The following PTPRS variants were observed in gnomAD, a reference collection of about 807,000 sequenced individuals.
PTPRS encodes protein tyrosine phosphatase receptor type S.
Under a neutral mutation model 215.3 loss-of-function variants are expected in PTPRS, and 63 were observed. The observed-to-expected ratio is 0.29, with a 90% CI of 0.24 to 0.36. The LOEUF (loss-of-function observed/expected upper bound fraction) is 0.36. Ranked by LOEUF, PTPRS falls within the 10% of genes least tolerant of loss-of-function variation. PTPRS has a pLI of 1.00. For missense variants in PTPRS, 2,258 were observed against 2,825.8 expected (o/e 0.80, Z 4.56); for synonymous variants, 1,404 against 1,191.4 (o/e 1.18, Z -3.68).
rs750373156 is a variant in PTPRS, at chr19:5,219,393, C to G, written c.3840G>C (p.Glu1280Asp). The G allele has an allele frequency of 3.1e-6, 5 of 1,613,766 alleles. No homozygotes were observed. Among genetic ancestry groups the G allele is most frequent in the Admixed American group, 1.7e-5 (1 of 59,988 alleles). ...NPDPQPIVDG[E>D]EGLIWVIGPV... ...GCCCGATCACCCAGATAAGCCCCTC[C>G]TCGCCATCCACGATGGGCTGGGGGT... Residue 1280 changes from glutamate to aspartate, a missense_variant, in exon 23 of 38, where the codon GAG becomes GAC. By Grantham distance (45) the Glu-to-Asp change is conservative (BLOSUM62 2). This residue lies in a region of PTPRS where 927 missense variants were observed against 1,125.9 expected (regional missense o/e 0.82). Coordinates refer to ENST00000262963, the MANE Select transcript of PTPRS (RefSeq NM_002850.4).
At chr19:5,305,205 C>G (rs1236633779) in intron 1 of PTPRS, among the ~76,000 whole-genome samples, 1 of 152,186 alleles carries the variant, frequency 6.6e-6, no homozygotes, top group Non-Finnish European at 1.5e-5. Context: ...AGCTATTATT[C>G]CAGGCTTTTC....
intron 23 of PTPRS, 65 bp downstream of exon 23, chr19:5,219,242 ACTC>A: frequency 2.5e-6 from 4 of 1,581,230 alleles, no homozygotes; most frequent in East Asian, 2.2e-5. Context: ...CTCTGAGACA[ACTC>A]CTCCCTCCTT....
At chr19:5,249,674 C>T (rs553716984) in intron 9 of PTPRS, among the ~76,000 whole-genome samples, 1 of 152,350 alleles carries the variant, frequency 6.6e-6, no homozygotes, top group Non-Finnish European at 1.5e-5. Flanking sequence ...GAAAAAAGTA[C>T]CCATCACCTA....
intron 26 of PTPRS, among the ~76,000 whole-genome samples, chr19:5,215,934 G>A (rs2041399950): frequency 6.6e-6 from 1 of 152,158 alleles, no homozygotes; most frequent in Non-Finnish European, 1.5e-5. Context: ...CCCAGAGGAT[G>A]TCAAGCTCCC....
At chr19:5,284,022 C>G (rs1020724045) in intron 2 of PTPRS, among the ~76,000 whole-genome samples, 1 of 151,494 alleles carries the variant, frequency 6.6e-6, no homozygotes, top group Non-Finnish European at 1.5e-5. Flanking sequence ...TGAGACCAGT[C>G]CGGGCAACAC....
chr19:5,274,460 C>A, intron 2 of PTPRS, 116 bp from the exon 3 acceptor site: 4 of 1,223,054 alleles, frequency 3.3e-6, no homozygotes, highest in African/African-American at 3.0e-5. Context: ...GCCATGTGGC[C>A]AATGAAGAGA....
At chr19:5,296,218 T>G (rs1388605159) in intron 1 of PTPRS, among the ~76,000 whole-genome samples, 4 of 151,946 alleles carry the variant, frequency 2.6e-5, no homozygotes, top group Non-Finnish European at 1.5e-5. Flanking sequence ...CCACTGTGGG[T>G]CAGATGGTGG....
intron 2 of PTPRS, among the ~76,000 whole-genome samples, chr19:5,282,206 C>T (rs2047911689): frequency 6.6e-6 from 1 of 152,152 alleles, no homozygotes; most frequent in Non-Finnish European, 1.5e-5. Context: ...GGTTCTACCT[C>T]TCGGAAGCAC....
intron 1 of PTPRS, among the ~76,000 whole-genome samples, chr19:5,311,587 G>GGGAT (rs1161700095): frequency 6.6e-6 from 1 of 152,116 alleles, no homozygotes; most frequent in East Asian, 1.9e-4. Flanking sequence ...GCTGGGGGTG[G>GGGAT]GGATATAAGT....
intron 30 of PTPRS, 151 bp downstream of exon 30, chr19:5,214,210 G>C: frequency 8.9e-7 from 1 of 1,127,352 alleles, no homozygotes; most frequent in Non-Finnish European, 1.3e-6. Context: ...CTCCACGGAA[G>C]TGGGTTCCAT....
chr19:5,213,707 T>C (rs1271387503), intron 30 of PTPRS, among the ~76,000 whole-genome samples: 1 of 152,206 alleles, frequency 6.6e-6, no homozygotes, highest in African/African-American at 2.4e-5. Context: ...CTTGTCCATG[T>C]ACTCAGTTTT....
intron 2 of PTPRS, among the ~76,000 whole-genome samples, chr19:5,274,582 C>G (rs550728129): frequency 6.7e-6 from 1 of 149,368 alleles, no homozygotes; most frequent in Non-Finnish European, 1.5e-5. Context: ...AACAGCCACA[C>G]CTGCTCACAC....
chr19:5,281,542 G>A (rs141431683), intron 2 of PTPRS, among the ~76,000 whole-genome samples: 21 of 152,278 alleles, frequency 1.4e-4, no homozygotes, highest in Non-Finnish European at 1.8e-4. Context: ...TGCCTCCAAA[G>A]CCGACATCTT....
intron 2 of PTPRS, among the ~76,000 whole-genome samples, chr19:5,279,047 G>A (rs1302649699): frequency 6.6e-6 from 1 of 151,672 alleles, no homozygotes; most frequent in Admixed American, 6.6e-5. Context: ...TCAGCCAGGC[G>A]TGGTGGTGCA....
At chr19:5,243,254 C>T (rs1486845276) in intron 11 of PTPRS, among the ~76,000 whole-genome samples, 2 of 151,840 alleles carry the variant, frequency 1.3e-5, no homozygotes, top group South Asian at 2.1e-4. Flanking sequence ...GCCTCAGCCT[C>T]CAGAGTAGCT....
At chr19:5,337,186 T>C (rs1221550053) in intron 1 of PTPRS, among the ~76,000 whole-genome samples, 1 of 152,166 alleles carries the variant, frequency 6.6e-6, no homozygotes, top group African/African-American at 2.4e-5. Context: ...CCGAAAAACA[T>C]TAAGCTTTGT....
At chr19:5,306,400 C>A (rs1406309600) in intron 1 of PTPRS, among the ~76,000 whole-genome samples, 1 of 152,122 alleles carries the variant, frequency 6.6e-6, no homozygotes, top group African/African-American at 2.4e-5. Flanking sequence ...TGGCCTCGGC[C>A]TCCCAAAGTG....
intron 1 of PTPRS, among the ~76,000 whole-genome samples, chr19:5,319,301 C>T (rs1201313782): frequency 5.3e-5 from 8 of 151,990 alleles, no homozygotes; most frequent in Admixed American, 5.2e-4. Flanking sequence ...GTTCCAGCTA[C>T]TTGGGAGGCT....
rs1568466808 is a variant in PTPRS at position 5,244,515 on chromosome 19, G to C, written c.989-33C>G. The C allele has an allele frequency of 6.3e-7, 1 of 1,576,250 alleles. No homozygotes were observed. The highest frequency in any genetic ancestry group is 8.7e-7 in the Non-Finnish European group (1 of 1,152,752). ...CAGGAGGCAGCTGTGTCACGCATTG[G>C]GCACATTGGTTGAGGACCCTGAAGG... On this transcript the variant is annotated intron_variant, in intron 10 of 37. Coordinates refer to ENST00000262963, the MANE Select transcript of PTPRS (RefSeq NM_002850.4). This position sits in a 1 kb window ranked among gnomAD's most constrained non-coding sequence, Gnocchi z 7.2.
Sources: allele counts gnomAD v4.1 joint callset (sites outside exome capture counted in the v4.1 genomes callset), GRCh38; gene constraint gnomAD v4.1.1; regional missense constraint gnomAD v4.1.1; non-coding constraint Gnocchi (gnomAD v3.1); transcripts MANE v1.5; gene names NCBI Gene and HGNC (gene_info 2026-07-23, HGNC 2026-07-21).